The following SYNE1 variants were observed in gnomAD, a reference collection of about 807,000 sequenced individuals.
The protein encoded by SYNE1 is spectrin repeat containing nuclear envelope protein 1.
Under a neutral mutation model 1,111.0 loss-of-function variants are expected in SYNE1, and 616 were observed. The ratio of observed to expected loss-of-function variants is 0.55; its 90% confidence interval spans 0.52 to 0.59. The LOEUF is 0.59. Ranked by LOEUF, SYNE1 falls within the 20% of genes least tolerant of loss-of-function variation. The pLI, the probability that SYNE1 is intolerant of heterozygous loss-of-function variation, is 0.00. For missense variants in SYNE1, 10,006 were observed against 10,417.0 expected (o/e 0.96, Z 1.72); for synonymous variants, 3,855 against 3,825.8 (o/e 1.01, Z -0.28).
At chr6:152,365,783 T>C (rs2097065104) in intron 62 of SYNE1, among the ~76,000 whole-genome samples, 1 of 152,188 alleles carries the variant, frequency 6.6e-6, no homozygotes, top group Non-Finnish European at 1.5e-5. Flanking sequence ...AATTCCAAGT[T>C]ATAAAACTGA....
intron 65 of SYNE1, among the ~76,000 whole-genome samples, chr6:152,359,001 T>C (rs547367045): frequency 6.6e-6 from 1 of 152,212 alleles, no homozygotes; most frequent in East Asian, 1.9e-4. Context: ...TTTCCCACCT[T>C]AGAAAACTCT....
chr6:152,233,947 A>G lies in SYNE1; in HGVS notation c.20546T>C (p.Val6849Ala), dbSNP rs886043522. 3.1e-6 allele frequency: 5 copies of G among 1,614,048 alleles called. No homozygotes were observed. Among genetic ancestry groups the G allele is most frequent in the African/African-American group, 1.3e-5 (1 of 74,944 alleles). ...LNAFLEFSKE[V>A]DAQSSLKSSV... Reference sequence around the variant, plus strand: ...TGATTTCAGGGAAGATTGGGCATCCACTTCTTTAGAAAACTCCTGAAACAA... The same window carrying G: ...TGATTTCAGGGAAGATTGGGCATCCGCTTCTTTAGAAAACTCCTGAAACAA... The change falls in exon 112 of 146, where the codon GTG (valine) becomes GCG (alanine). Residue 6849 changes from valine to alanine, a missense_variant. Around this residue, in one of 7 missense-constraint regions of SYNE1, gnomAD observed 2,182 missense variants for 2,287.8 expected, o/e 0.95. Coordinates refer to ENST00000367255, the MANE Select transcript of SYNE1 (RefSeq NM_182961.4).
rs1305356643 is a variant in SYNE1 at position 152,151,566 on chromosome 6, A to G, written c.24437T>C (p.Ile8146Thr). 6.2e-7 allele frequency: 1 copy of G among 1,614,032 alleles called. No individual in the cohort carries two copies. Among genetic ancestry groups the G allele is most frequent in the Non-Finnish European group, 8.5e-7 (1 of 1,180,000 alleles). ...ATAATCTATTACCTTGAGTTGCTTT[A>G]TTTTAGCTTGAACATCACACTCAGA... ...HFSECDVQAK[I>T]KQLKAFQQEI... The change falls in exon 135 of 146, where the codon ATA (isoleucine) becomes ACA (threonine). Residue 8146 changes from isoleucine (I) to threonine (T), a missense_variant. Physicochemically the swap from Ile to Thr is moderately conservative, Grantham distance 89. Transcript: ENST00000367255.
chr6:152,306,353 A>G (rs6557212), intron 91 of SYNE1, among the ~76,000 whole-genome samples: 100,934 of 151,658 alleles, frequency 0.67, 34,050 homozygotes, highest in East Asian at 0.85. Flanking sequence ...GGGCATGGTG[A>G]TGTGCGCCTG....
At position 152,323,754 on chromosome 6, in the gene SYNE1, A is replaced by G; in HGVS notation, c.15658-17T>C. On this transcript the variant is annotated splice_polypyrimidine_tract_variant and intron_variant, in intron 81 of 145. Transcript: ENST00000367255. ...CTTTTTAACCTGATGACAAATGTAC[A>G]TACTATGAAGTTCAATAATAAATAA... The G allele has an allele frequency of 1.2e-6, 2 of 1,613,978 alleles. No homozygotes were observed. The highest frequency in any genetic ancestry group is 2.2e-5 in the East Asian group (1 of 44,886).
At chr6:152,163,789 T>G (rs1475398264) in intron 131 of SYNE1, among the ~76,000 whole-genome samples, 1 of 152,134 alleles carries the variant, frequency 6.6e-6, no homozygotes, top group East Asian at 1.9e-4. Context: ...GCAGGGGGGC[T>G]CCTTTCAGTC....
chr6:152,439,838 T>C (rs967153817), intron 32 of SYNE1, among the ~76,000 whole-genome samples: 5 of 152,164 alleles, frequency 3.3e-5, no homozygotes, highest in Admixed American at 1.3e-4. Context: ...GGAACTTCAA[T>C]GCTTGGTACA....
chr6:152,339,082 T>C (rs1324868705), intron 75 of SYNE1, among the ~76,000 whole-genome samples, 159 bp downstream of exon 75: 2 of 152,242 alleles, frequency 1.3e-5, no homozygotes. Context: ...TTTCTATGAG[T>C]TAGCTGAAAT....
chr6:152,428,143 G>A lies in SYNE1; in HGVS notation c.4976+62C>T, dbSNP rs923463273. ...GGATAACTACTCCCCATCACTTTAA[G>A]AACTGCTAATCCAGAATTTCCTATT... On this transcript the variant is annotated intron_variant, in intron 37 of 145. Transcript: ENST00000367255. The A allele has an allele frequency of 1.9e-6, 3 of 1,599,378 alleles. No homozygotes were observed. The African/African-American group carries it at 4.0e-5, about 21-fold the overall frequency.
intron 62 of SYNE1, among the ~76,000 whole-genome samples, chr6:152,365,381 C>CA (rs1022081671): frequency 2.6e-5 from 4 of 151,792 alleles, no homozygotes; most frequent in Admixed American, 6.6e-5. Context: ...TCTCTATAAC[C>CA]AAAAAAACCC....
intron 138 of SYNE1, among the ~76,000 whole-genome samples, chr6:152,143,338 G>A (rs1286553419): frequency 6.6e-6 from 1 of 152,156 alleles, no homozygotes; most frequent in Non-Finnish European, 1.5e-5. Context: ...AATGACTTTT[G>A]GGAGCCAAAG....
In SYNE1 at chr6:152,214,975, T is replaced by G; in HGVS notation, c.22277A>C (p.Glu7426Ala). ...LGYRLPLNDK[E>A]IKRMQNLNRH... ...GTTCAGATTCTGCATTCTTTTGATT[T>G]CCTTATCATTCAAGGGTAACCTATA... The change falls in exon 122 of 146, where the codon GAA becomes GCA. Residue 7426 changes from glutamate (E) to alanine (A), a missense_variant. Glu to Ala is a moderately radical substitution (Grantham distance 107). Coordinates refer to ENST00000367255, the MANE Select transcript of SYNE1 (RefSeq NM_182961.4). The G allele has an allele frequency of 6.2e-7, 1 of 1,614,172 alleles. No individual in the cohort carries two copies. Among genetic ancestry groups the G allele is most frequent in the Middle Eastern group, 1.7e-4 (1 of 6,060 alleles).
chr6:152,274,300 GT>G (rs1182367614), intron 98 of SYNE1, among the ~76,000 whole-genome samples: 1 of 152,156 alleles, frequency 6.6e-6, no homozygotes, highest in African/African-American at 2.4e-5. Flanking sequence ...CCAACACAGA[GT>G]TCAAACGTCT....
In SYNE1 at chr6:152,220,920, T is replaced by G. The variant is rs886061197; in HGVS notation, c.21783A>C (p.Arg7261=). 1.9e-6 allele frequency: 3 copies of G among 1,614,188 alleles called. No homozygotes were observed. The highest frequency in any genetic ancestry group is 2.5e-6 in the Non-Finnish European group (3 of 1,180,022). ...CASTVQQQED[R]TNELLKAATN... The stretch of plus-strand genomic sequence containing the variant: ...TGGCTGCCTTCAACAGCTCATTGGT[T>G]CGATCCTCCTGCTGCTGAACTGTCG... Residue 7261 remains arginine (R), a synonymous_variant, in exon 119 of 146, where the codon CGA becomes CGC. Transcript: ENST00000367255.
intron 46 of SYNE1, 150 bp from the exon 47 acceptor site, chr6:152,401,491 G>A (rs2097817867): frequency 1.3e-6 from 1 of 765,548 alleles, no homozygotes; most frequent in Non-Finnish European, 2.2e-6. Context: ...TTTCCAAGAA[G>A]GAAAATCAGT....
At position 152,391,500 on chromosome 6, in the gene SYNE1, T is replaced by G; in HGVS notation, c.7781A>C (p.Glu2594Ala). 6.2e-7 allele frequency: 1 copy of G among 1,602,040 alleles called. No homozygotes were observed. Among genetic ancestry groups the G allele is most frequent in the Non-Finnish European group, 8.5e-7 (1 of 1,177,348 alleles). Residue 2594 changes from glutamate (E) to alanine (A), a missense_variant, in exon 52 of 146, where the codon GAG becomes GCG. This residue lies in a region of SYNE1 where 4,955 missense variants were observed against 5,017.2 expected (regional missense o/e 0.99). Coordinates refer to ENST00000367255, the MANE Select transcript of SYNE1 (RefSeq NM_182961.4). ...GAGGAGCTGGGAACACAGGCGGCCC[T>G]CCTGCCCAGCACCGTGGCCTTCTTC... Reference protein sequence around the residue: ...LSEEGHGAGQEGRLCSQLLTS... With the variant: ...LSEEGHGAGQAGRLCSQLLTS...
intron 145 of SYNE1, among the ~76,000 whole-genome samples, chr6:152,123,075 A>G (rs2051952300): frequency 6.6e-6 from 1 of 152,228 alleles, no homozygotes; most frequent in Non-Finnish European, 1.5e-5. Flanking sequence ...TATCATGAAC[A>G]TTGTTAAGCA....
intron 14 of SYNE1, chr6:152,480,642 C>T: frequency 2.8e-6 from 1 of 356,940 alleles, no homozygotes; most frequent in Non-Finnish European, 5.4e-6. Flanking sequence ...GTTTTATGAG[C>T]TACTTTAAGT....
At chr6:152,339,882 C>T (rs1230622389) in intron 74 of SYNE1, among the ~76,000 whole-genome samples, 1 of 152,152 alleles carries the variant, frequency 6.6e-6, no homozygotes, top group Non-Finnish European at 1.5e-5. Flanking sequence ...CCAGGTGGAT[C>T]TTTAATCTAT....
Sources: allele counts gnomAD v4.1 joint callset (sites outside exome capture counted in the v4.1 genomes callset), GRCh38; gene constraint gnomAD v4.1.1; regional missense constraint gnomAD v4.1.1; transcripts MANE v1.5; gene names NCBI Gene and HGNC (gene_info 2026-07-23, HGNC 2026-07-21).